Variants in CAMK1D observed in about 807,000 individuals in gnomAD.
The protein encoded by CAMK1D is calcium/calmodulin dependent protein kinase ID, also known as calcium/calmodulin-dependent protein kinase type 1D.
CAMK1D carries 9 observed loss-of-function variants against 47.7 expected under a neutral mutation model. The ratio of observed to expected loss-of-function variants is 0.19; its 90% CI spans 0.11 to 0.33. The LOEUF (loss-of-function observed/expected upper bound fraction) is 0.33, where lower values mean the gene tolerates loss of function less well. CAMK1D is among the 10% of genes least tolerant of loss of function. CAMK1D has a pLI of 1.00. For synonymous variants in CAMK1D, 184 were observed against 184.9 expected (o/e 0.99, Z 0.04); for missense variants, 291 against 488.7 (o/e 0.60, Z 3.81).
intron 5 of CAMK1D, among the ~76,000 whole-genome samples, chr10:12,774,507 T>G (rs1161962605): frequency 6.6e-6 from 1 of 152,122 alleles, no homozygotes; most frequent in East Asian, 1.9e-4. Context: ...GGACCAGGAC[T>G]TGGAAATCGT....
chr10:12,690,119 T>C (rs945058880), intron 3 of CAMK1D, among the ~76,000 whole-genome samples: 23 of 152,206 alleles, frequency 1.5e-4, no homozygotes, highest in African/African-American at 5.5e-4. Flanking sequence ...CGTGTGGACC[T>C]GATAGCTTCA....
In CAMK1D at chr10:12,830,740, C is replaced by G. The variant is rs917857142; in HGVS notation, c.*1853C>G. ...CTCAGGCCCATCCAATGCCTCGAGC[C>G]CACGGGGGTGTCCCGGCAGGTCTGC... On this transcript the variant is annotated 3_prime_UTR_variant, in exon 11 of 11. Coordinates refer to ENST00000619168, the MANE Select transcript of CAMK1D (RefSeq NM_153498.4). The G allele has an allele frequency of 2.7e-5, 4 of 149,542 alleles. No homozygotes were observed. The highest frequency in any genetic ancestry group is 4.5e-5 in the Non-Finnish European group (3 of 67,288). 9.3% of individuals were successfully genotyped at this position (149,542 alleles called of 1,614,324 possible).
At chr10:12,766,527 T>G (rs1340540287) in intron 4 of CAMK1D, among the ~76,000 whole-genome samples, 1 of 152,082 alleles carries the variant, frequency 6.6e-6, no homozygotes, top group Non-Finnish European at 1.5e-5. Flanking sequence ...CATTCACCAG[T>G]GAAAGCTTCC....
chr10:12,391,733 G>GCCAT (rs1057009018), intron 1 of CAMK1D, among the ~76,000 whole-genome samples: 5 of 152,234 alleles, frequency 3.3e-5, no homozygotes, highest in African/African-American at 1.2e-4. Flanking sequence ...TCCTCACAGT[G>GCCAT]CCATATACAG....
chr10:12,660,013 C>T (rs967490725), intron 2 of CAMK1D, among the ~76,000 whole-genome samples: 2 of 152,224 alleles, frequency 1.3e-5, no homozygotes, highest in Non-Finnish European at 1.5e-5. Flanking sequence ...ATCAGTTTCA[C>T]TCTTGTCTCT....
intron 1 of CAMK1D, among the ~76,000 whole-genome samples, chr10:12,494,971 C>T (rs951108684): frequency 2.0e-5 from 3 of 152,152 alleles, no homozygotes; most frequent in Non-Finnish European, 4.4e-5. Flanking sequence ...ACAGCTGATT[C>T]TAAACGAGAT....
intron 1 of CAMK1D, among the ~76,000 whole-genome samples, chr10:12,499,741 A>T (rs1834645197): frequency 6.6e-6 from 1 of 152,206 alleles, no homozygotes; most frequent in African/African-American, 2.4e-5. Flanking sequence ...GCTTTGAGGA[A>T]AGTCTTTCAC....
intron 6 of CAMK1D, among the ~76,000 whole-genome samples, chr10:12,803,923 T>A (rs1260249323): frequency 1.3e-5 from 2 of 152,190 alleles, no homozygotes; most frequent in Admixed American, 1.3e-4. Flanking sequence ...GGACTCAGGC[T>A]GGGAGCGGGA....
At chr10:12,631,821 T>C (rs1473653486) in intron 2 of CAMK1D, among the ~76,000 whole-genome samples, 1 of 151,654 alleles carries the variant, frequency 6.6e-6, no homozygotes, top group Admixed American at 6.6e-5. Context: ...TCCAGGCAAA[T>C]AAAGTGATAT....
chr10:12,742,335 G>A (rs1034264369), intron 3 of CAMK1D, among the ~76,000 whole-genome samples: 13 of 151,878 alleles, frequency 8.6e-5, no homozygotes, highest in African/African-American at 2.4e-4. Flanking sequence ...GGGTCTCACC[G>A]TGTTGTCCAG....
At chr10:12,672,130 T>C (rs1003724950) in intron 3 of CAMK1D, among the ~76,000 whole-genome samples, 3 of 151,756 alleles carry the variant, frequency 2.0e-5, no homozygotes, top group African/African-American at 2.4e-5. Context: ...TTGGCCAGGA[T>C]GGTCTTGATC....
intron 2 of CAMK1D, among the ~76,000 whole-genome samples, chr10:12,560,547 C>G (rs1245061049): frequency 8.0e-6 from 1 of 125,558 alleles, no homozygotes; most frequent in Non-Finnish European, 1.6e-5. Context: ...GAGGAAAACT[C>G]TATCTCGGAA....
In CAMK1D at chr10:12,831,308, T is replaced by C. The variant is rs532166038; in HGVS notation, c.*2421T>C. On this transcript the variant is annotated 3_prime_UTR_variant, in exon 11 of 11. Coordinates refer to ENST00000619168, the MANE Select transcript of CAMK1D (RefSeq NM_153498.4). ...CTTACTAAGAAGTGTCTTGGAAACA[T>C]TCGAGTTCATACAGTGCATGACAAA... 7 of 152,204 alleles carry C rather than the reference T, an allele frequency of 4.6e-5. No homozygotes were observed. The highest frequency in any genetic ancestry group is 1.3e-4 in the Admixed American group (2 of 15,272). The allele number at this position is 152,204 out of a possible 1,614,324, so 9.4% of individuals were successfully genotyped here.
intron 8 of CAMK1D, among the ~76,000 whole-genome samples, chr10:12,821,411 A>C (rs1201269396): frequency 1.3e-5 from 2 of 152,206 alleles, no homozygotes; most frequent in Non-Finnish European, 2.9e-5. Flanking sequence ...TCCAGACACC[A>C]GAGCTCCGGT....
chr10:12,406,780 G>A (rs1339903424), intron 1 of CAMK1D, among the ~76,000 whole-genome samples: 1 of 142,494 alleles, frequency 7.0e-6, no homozygotes, highest in Non-Finnish European at 1.5e-5. Flanking sequence ...GTAAAGTCAT[G>A]CGTCCAAATC....
intron 2 of CAMK1D, among the ~76,000 whole-genome samples, chr10:12,617,100 T>C (rs928062454): frequency 1.3e-5 from 2 of 152,152 alleles, no homozygotes; most frequent in East Asian, 3.9e-4. Flanking sequence ...AGTGGTAGAT[T>C]TTTTTTCCTC....
At chr10:12,723,875 C>T (rs1010963395) in intron 3 of CAMK1D, among the ~76,000 whole-genome samples, 1 of 152,118 alleles carries the variant, frequency 6.6e-6, no homozygotes, top group African/African-American at 2.4e-5. Context: ...TCGTCATTTA[C>T]ATTAGGTTTA....
At position 12,504,225 on chromosome 10, in the gene CAMK1D, T is replaced by TACACACACACACACAC. The variant is rs111662084; in HGVS notation, c.93-48990_93-48975dup. 3.7e-3 allele frequency among the ~76,000 whole-genome samples: 545 copies of TACACACACACACACAC among 147,696 alleles called. 2 individuals are homozygous for TACACACACACACACAC. Among genetic ancestry groups the TACACACACACACACAC allele is most frequent in the African/African-American group, 0.013 (522 of 39,486 alleles). On this transcript the variant is annotated intron_variant, in intron 1 of 10. Transcript: ENST00000619168. ...ACAAATATGTTCCAAATACACATTT[T>TACACACACACACACAC]ACACACACACACACACACACACACA...
At chr10:12,536,691 A>G (rs1223888577) in intron 1 of CAMK1D, among the ~76,000 whole-genome samples, 2 of 152,166 alleles carry the variant, frequency 1.3e-5, no homozygotes, top group Non-Finnish European at 2.9e-5. Context: ...TGTATGTATT[A>G]TATACCCAAA....
Sources: gnomAD v4.1 joint callset for allele counts (sites outside exome capture counted in the v4.1 genomes callset) on GRCh38, gnomAD v4.1.1 for gene constraint, MANE v1.5 for transcripts, NCBI Gene and HGNC (gene_info 2026-07-23, HGNC 2026-07-21) for gene names.